CDC73: variants seen among roughly 807,000 people sequenced by gnomAD.
CDC73 encodes parafibromin.
A neutral mutation model predicts 83.7 loss-of-function variants in CDC73; 21 were observed. The observed-to-expected ratio is 0.25, with a 90% CI of 0.18 to 0.36. The LOEUF is 0.36. Among genes scored for constraint, CDC73 ranks in the 10% least tolerant of loss-of-function variants. The pLI is 1.00. For missense variants in CDC73, 342 were observed against 653.3 expected (o/e 0.52, Z 5.19); for synonymous variants, 224 against 212.9 (o/e 1.05, Z -0.45).
chr1:193,198,590 G>T (rs1431155767), intron 10 of CDC73, among the ~76,000 whole-genome samples: 3 of 152,222 alleles, frequency 2.0e-5, no homozygotes, highest in Non-Finnish European at 2.9e-5. Context: ...TGCCCAGTGT[G>T]TGGTATTTTG....
At chr1:193,250,593 A>G (rs563946510) in intron 16 of CDC73, 83 bp from the exon 17 acceptor site, 15 of 968,440 alleles carry the variant, frequency 1.5e-5, no homozygotes, top group South Asian at 4.3e-5. Flanking sequence ...GTTTTAAGAA[A>G]TGTCAACTTG....
chr1:193,246,055 A>T (rs1198579409), intron 15 of CDC73, among the ~76,000 whole-genome samples: 2 of 152,116 alleles, frequency 1.3e-5, no homozygotes, highest in Non-Finnish European at 2.9e-5. Flanking sequence ...TAATTTGCAG[A>T]TATTTTCTCC....
At chr1:193,163,187 G>T (rs562431651) in intron 10 of CDC73, among the ~76,000 whole-genome samples, 10 of 151,176 alleles carry the variant, frequency 6.6e-5, no homozygotes, top group African/African-American at 2.4e-4. Flanking sequence ...GGGTGTGTGT[G>T]TATATTTTTT....
At chr1:193,158,078 A>C (rs1038189410) in intron 10 of CDC73, among the ~76,000 whole-genome samples, 2 of 151,108 alleles carry the variant, frequency 1.3e-5, no homozygotes, top group Non-Finnish European at 3.0e-5. Context: ...TATTGTACTT[A>C]TAATTTATTA....
At chr1:193,163,066 T>C (rs1676366707) in intron 10 of CDC73, among the ~76,000 whole-genome samples, 1 of 152,146 alleles carries the variant, frequency 6.6e-6, no homozygotes, top group Non-Finnish European at 1.5e-5. Flanking sequence ...TAGGAATTAC[T>C]GAGTTTTAGA....
At chr1:193,181,402 C>T in intron 10 of CDC73, 2 of 1,613,954 alleles carry the variant, frequency 1.2e-6, no homozygotes, top group Non-Finnish European at 1.7e-6. Flanking sequence ...TTCTTTGAAT[C>T]CAGCTCTGCC....
At chr1:193,224,336 CAT>C (rs1491375046) in intron 13 of CDC73, among the ~76,000 whole-genome samples, 20 of 73,206 alleles carry the variant, frequency 2.7e-4, no homozygotes, top group Non-Finnish European at 4.5e-4. Context: ...GCCATTGTTC[CAT>C]GTATATATAT....
chr1:193,240,887 A>G (rs1254198007), intron 15 of CDC73, among the ~76,000 whole-genome samples: 1 of 152,174 alleles, frequency 6.6e-6, no homozygotes, highest in African/African-American at 2.4e-5. Context: ...GGTCTTAGCC[A>G]TAAAGTCCTT....
rs188005380 is a variant in CDC73, at chr1:193,239,327, G to A, written c.1417+2971G>A. On this transcript the variant is annotated intron_variant, in intron 15 of 16. Coordinates refer to ENST00000367435, the MANE Select transcript of CDC73 (RefSeq NM_024529.5). ...TCTGCTTTCACTCTTCTGGCTTCCA[G>A]TTGTTTTCTCCATCAGATTACACTG... Among the ~76,000 whole-genome samples, 35 of 152,146 alleles carry A rather than the reference G, an allele frequency of 2.3e-4. No homozygotes were observed. The East Asian group carries it at 6.8e-3, about 29-fold the overall frequency.
intron 13 of CDC73, among the ~76,000 whole-genome samples, chr1:193,220,231 A>C (rs1323890359): frequency 3.1e-5 from 4 of 130,692 alleles, no homozygotes; most frequent in Non-Finnish European, 6.1e-5. Context: ...CAGTGGTGCG[A>C]TCTTGGCTCA....
At chr1:193,249,505 A>G (rs765095053) in intron 15 of CDC73, among the ~76,000 whole-genome samples, 1 of 151,972 alleles carries the variant, frequency 6.6e-6, no homozygotes, top group African/African-American at 2.4e-5. Flanking sequence ...TACCAACCTT[A>G]TAGTCTTTCT....
intron 15 of CDC73, among the ~76,000 whole-genome samples, chr1:193,240,453 C>T (rs545164605): frequency 1.3e-5 from 2 of 152,288 alleles, no homozygotes; most frequent in Admixed American, 1.3e-4. Context: ...GCCATAGTGG[C>T]TCTACTAACT....
intron 10 of CDC73, among the ~76,000 whole-genome samples, chr1:193,193,283 A>G (rs1311168801): frequency 6.6e-6 from 1 of 152,216 alleles, no homozygotes. Flanking sequence ...GAGATGCATC[A>G]ATAGGTTCCT....
chr1:193,205,208 C>T (rs2031471), intron 11 of CDC73, among the ~76,000 whole-genome samples: 37,352 of 82,414 alleles, frequency 0.45, 9,647 homozygotes, highest in South Asian at 0.66. Flanking sequence ...CCCCCCCCCC[C>T]TTTTTTTTTA....
chr1:193,238,157 A>G (rs1309980232), intron 15 of CDC73, among the ~76,000 whole-genome samples: 1 of 152,226 alleles, frequency 6.6e-6, no homozygotes, highest in Admixed American at 6.5e-5. Context: ...AATTTTAACA[A>G]TCATCAGTGA....
intron 4 of CDC73, 26 bp from the exon 5 acceptor site, chr1:193,135,511 T>C (rs758020763): frequency 3.7e-6 from 6 of 1,612,508 alleles, no homozygotes; most frequent in African/African-American, 1.3e-5. Context: ...AAACTACACA[T>C]TTATTTACTT....
chr1:193,215,782 G>A (rs979129642), intron 13 of CDC73, among the ~76,000 whole-genome samples: 1 of 151,970 alleles, frequency 6.6e-6, no homozygotes, highest in African/African-American at 2.4e-5. Context: ...TAGAGACTGG[G>A]CTTAGCCATG....
At chr1:193,183,000 G>A (rs1412713951) in intron 10 of CDC73, among the ~76,000 whole-genome samples, 1 of 151,840 alleles carries the variant, frequency 6.6e-6, no homozygotes, top group Non-Finnish European at 1.5e-5. Flanking sequence ...ATAAATACAT[G>A]TATGTATTTA....
intron 11 of CDC73, among the ~76,000 whole-genome samples, chr1:193,210,640 G>A (rs552536043): frequency 8.9e-4 from 135 of 152,272 alleles, no homozygotes; most frequent in African/African-American, 3.2e-3. Flanking sequence ...TGTAATCCCA[G>A]CACTTTGGGA....
Sources: gnomAD v4.1 joint callset for allele counts (sites outside exome capture counted in the v4.1 genomes callset) on GRCh38, gnomAD v4.1.1 for gene constraint, MANE v1.5 for transcripts, NCBI Gene and HGNC (gene_info 2026-07-23, HGNC 2026-07-21) for gene names.